Variants in NUP93 observed in about 807,000 individuals in gnomAD.
The protein encoded by NUP93 is nuclear pore complex protein Nup93.
In NUP93, 55 loss-of-function variants were observed where a neutral mutation model predicts 107.8. That is an observed-to-expected ratio of 0.51 (90% CI 0.41 to 0.64). The LOEUF (loss-of-function observed/expected upper bound fraction) is 0.64, where lower values mean the gene tolerates loss of function less well. Ranked by LOEUF, NUP93 falls within the 30% of genes least tolerant of loss-of-function variation. The pLI is 0.00. For synonymous variants in NUP93, 390 were observed against 397.5 expected (o/e 0.98, Z 0.22); for missense variants, 937 against 1,044.7 (o/e 0.90, Z 1.42).
chr16:56,823,525 C>T (rs1963592787), intron 7 of NUP93, among the ~76,000 whole-genome samples, 182 bp from the exon 8 acceptor site: 1 of 152,144 alleles, frequency 6.6e-6, no homozygotes, highest in Non-Finnish European at 1.5e-5. Flanking sequence ...GGATGGAACT[C>T]TGAAGTCTGG....
chr16:56,822,791 A>AT (rs1963575382), intron 7 of NUP93, among the ~76,000 whole-genome samples: 1 of 152,000 alleles, frequency 6.6e-6, no homozygotes, highest in Admixed American at 6.6e-5. Flanking sequence ...CTCAAGCTTA[A>AT]TTTTTTTAAA....
Position 56,753,813 on chromosome 16 carries a change from C to T in NUP93, c.180-4725C>T, listed in dbSNP as rs1961967371. Among the ~76,000 whole-genome samples the T allele has an allele frequency of 2.0e-5, 3 of 152,046 alleles. No individual in the cohort carries two copies. The South Asian group carries it at 6.2e-4, about 32-fold the overall frequency. On this transcript the variant is annotated intron_variant, in intron 2 of 21. Transcript: ENST00000308159. Reference sequence around the variant, plus strand: ...TTTATTTGGATTTCATTTAAACAAACACAACTTTAAAAGTTGTGAAAAAAT... The same window carrying T: ...TTTATTTGGATTTCATTTAAACAAATACAACTTTAAAAGTTGTGAAAAAAT...
intron 2 of NUP93, among the ~76,000 whole-genome samples, chr16:56,754,038 G>A (rs1342099280): frequency 6.6e-6 from 1 of 151,870 alleles, no homozygotes; most frequent in African/African-American, 2.4e-5. Flanking sequence ...CGTACAGGAA[G>A]CGTGGATGGG....
chr16:56,808,103 A>G (rs1287096251), intron 5 of NUP93, among the ~76,000 whole-genome samples: 2 of 132,918 alleles, frequency 1.5e-5, no homozygotes, highest in Non-Finnish European at 1.6e-5. Flanking sequence ...ATACACACAC[A>G]TATAAATATA....
rs1351317731 is a variant in NUP93, at chr16:56,805,309, A to G, written c.361-195A>G. Among the ~76,000 whole-genome samples the G allele has an allele frequency of 2.6e-5, 4 of 152,186 alleles. No individual in the cohort carries two copies. The highest frequency in any genetic ancestry group is 5.9e-5 in the Non-Finnish European group (4 of 68,034). Reference sequence around the variant, plus strand: ...GCAATCTGCCTGCTTTGGCTCCCCAAAATGCTGGGATTACAGGTGTAAACC... The same window carrying G: ...GCAATCTGCCTGCTTTGGCTCCCCAGAATGCTGGGATTACAGGTGTAAACC... On this transcript the variant is annotated intron_variant, in intron 4 of 21. Coordinates refer to ENST00000308159, the MANE Select transcript of NUP93 (RefSeq NM_014669.5).
At chr16:56,789,167 T>A (rs1252153471) in intron 3 of NUP93, among the ~76,000 whole-genome samples, 1 of 152,144 alleles carries the variant, frequency 6.6e-6, no homozygotes, top group Non-Finnish European at 1.5e-5. Context: ...TGTAATGGCA[T>A]GCCCCTGAAG....
In NUP93 at chr16:56,827,069, AT is replaced by A. The variant is rs1299742901; in HGVS notation, c.795-1904del. Among the ~76,000 whole-genome samples, 111 of 125,690 alleles carry A rather than the reference AT, an allele frequency of 8.8e-4. 1 individual carries two copies. Among genetic ancestry groups the A allele is most frequent in the African/African-American group, 2.4e-3 (86 of 36,120 alleles). The allele number at this position is 125,690 out of a possible 152,430, so 82.5% of individuals were successfully genotyped here. A position where few individuals can be genotyped will look rare whatever the true frequency, so the allele number is the denominator to read the frequency against. On this transcript the variant is annotated intron_variant, in intron 8 of 21. Coordinates refer to ENST00000308159, the MANE Select transcript of NUP93 (RefSeq NM_014669.5). ...CAAAAAAAAAAAAAAAAAAAAAAAA[AT>A]TTTGTTGAGTCTGTTTCCTGTTATT...
chr16:56,840,340 G>A lies in NUP93; in HGVS notation c.2220+736G>A, dbSNP rs114675964. ...CAGCCAATCCATTTTGTCTAAAGAC[G>A]CAAGTGCAGTGACCGCGGAGTAAGC... On this transcript the variant is annotated intron_variant, in intron 20 of 21. Transcript: ENST00000308159. Among the ~76,000 whole-genome samples the A allele has an allele frequency of 6.5e-3, 993 of 152,262 alleles. 18 individuals are homozygous for A. The highest frequency in any genetic ancestry group is 0.023 in the African/African-American group (959 of 41,552).
Position 56,832,408 on chromosome 16 carries a change from C to A in NUP93, c.1345+20C>A. 6.3e-7 allele frequency: 1 copy of A among 1,580,928 alleles called. No homozygotes were observed. Among genetic ancestry groups the A allele is most frequent in the Non-Finnish European group, 8.7e-7 (1 of 1,149,796 alleles). On this transcript the variant is annotated intron_variant, in intron 12 of 21. Transcript: ENST00000308159. Reference sequence around the variant, plus strand: ...ACTATGGTAAGATTCTGGACATAACCACCTTTCCCTTCTCTTGTCCACTTA... The same window carrying A: ...ACTATGGTAAGATTCTGGACATAACAACCTTTCCCTTCTCTTGTCCACTTA...
chr16:56,816,693 C>A (rs994707638), intron 5 of NUP93, among the ~76,000 whole-genome samples: 1 of 152,050 alleles, frequency 6.6e-6, no homozygotes, highest in African/African-American at 2.4e-5. Context: ...GTGTGCCATT[C>A]CTTGATGTAG....
At chr16:56,815,822 A>G (rs760073660) in intron 5 of NUP93, among the ~76,000 whole-genome samples, 29 of 150,710 alleles carry the variant, frequency 1.9e-4, no homozygotes, top group Non-Finnish European at 3.8e-4. Flanking sequence ...TCCAGGTCAC[A>G]TTGTTGTAAG....
At chr16:56,805,010 T>G (rs1396144606) in intron 4 of NUP93, among the ~76,000 whole-genome samples, 1 of 152,162 alleles carries the variant, frequency 6.6e-6, no homozygotes, top group Admixed American at 6.5e-5. Context: ...TTTATTTATT[T>G]ATTTATTTTT....
intron 1 of NUP93, among the ~76,000 whole-genome samples, chr16:56,744,266 G>A (rs1180989329): frequency 2.0e-5 from 3 of 151,988 alleles, no homozygotes; most frequent in South Asian, 2.1e-4. Flanking sequence ...AAAGCTTACC[G>A]AGGTTATTTT....
chr16:56,760,285 T>C (rs1962099898), intron 3 of NUP93, among the ~76,000 whole-genome samples: 1 of 152,126 alleles, frequency 6.6e-6, no homozygotes, highest in Admixed American at 6.5e-5. Flanking sequence ...CCCAGCATGG[T>C]AGGAGGCTGA....
intron 3 of NUP93, among the ~76,000 whole-genome samples, chr16:56,794,045 A>T (rs1962828034): frequency 6.6e-6 from 1 of 151,070 alleles, no homozygotes; most frequent in Non-Finnish European, 1.5e-5. Flanking sequence ...GCAGAGCGAG[A>T]CTCCATCTCT....
At chr16:56,732,754 A>AT (rs1597097459) in intron 1 of NUP93, among the ~76,000 whole-genome samples, 1 of 152,222 alleles carries the variant, frequency 6.6e-6, no homozygotes, top group East Asian at 1.9e-4. Context: ...TTTAAAGAAT[A>AT]TGGAGTTAGA....
chr16:56,735,273 A>C (rs1409951485), intron 1 of NUP93, among the ~76,000 whole-genome samples: 1 of 152,226 alleles, frequency 6.6e-6, no homozygotes, highest in Non-Finnish European at 1.5e-5. Context: ...GATGAGGCCC[A>C]GAGAGAGTAA....
At chr16:56,819,923 G>GT (rs1963509586) in intron 6 of NUP93, among the ~76,000 whole-genome samples, 1 of 152,088 alleles carries the variant, frequency 6.6e-6, no homozygotes, top group South Asian at 2.1e-4. Flanking sequence ...ACCCCTTTAT[G>GT]TTTTGCCACT....
intron 5 of NUP93, among the ~76,000 whole-genome samples, chr16:56,816,395 G>A (rs1212293688): frequency 1.3e-5 from 2 of 152,196 alleles, no homozygotes; most frequent in African/African-American, 4.8e-5. Context: ...CAAGATGTCT[G>A]CAGGTGTGGA....
Sources: gnomAD v4.1 joint callset for allele counts (sites outside exome capture counted in the v4.1 genomes callset) on GRCh38, gnomAD v4.1.1 for gene constraint, MANE v1.5 for transcripts, NCBI Gene and HGNC (gene_info 2026-07-23, HGNC 2026-07-21) for gene names.